ZDHHC24: variants seen among roughly 807,000 people sequenced by gnomAD.
ZDHHC24 encodes zDHHC palmitoyltransferase 24, also known as probable palmitoyltransferase ZDHHC24.
A neutral mutation model predicts 23.2 loss-of-function variants in ZDHHC24; 17 were observed. The observed-to-expected ratio is 0.73, with a 90% confidence interval of 0.50 to 1.10. ZDHHC24 has a LOEUF of 1.10. Among genes scored for constraint, ZDHHC24 ranks in the 50% least tolerant of loss-of-function variants. ZDHHC24 has a pLI of 0.00. For synonymous variants in ZDHHC24, 186 were observed against 194.5 expected (o/e 0.96, Z 0.36); for missense variants, 366 against 393.0 (o/e 0.93, Z 0.58).
chr11:66,528,253 T>C (rs951372992), intron 3 of ZDHHC24, among the ~76,000 whole-genome samples: 1 of 152,194 alleles, frequency 6.6e-6, no homozygotes, highest in African/African-American at 2.4e-5. Context: ...AATAAAGTTG[T>C]AAAACTATCT....
chr11:66,527,530 G>A (rs146362603), intron 3 of ZDHHC24: 116 of 174,656 alleles, frequency 6.6e-4, no homozygotes, highest in African/African-American at 1.6e-3. Context: ...TTAGCCAGGC[G>A]TGTTGGCATG....
At chr11:66,521,022 C>A (rs574350682), downstream of ZDHHC24, 3 of 522,802 alleles carry the variant, frequency 5.7e-6, no homozygotes, top group Non-Finnish European at 1.0e-5. Flanking sequence ...CCCAGCTGCA[C>A]GGTTGTTTAA....
At chr11:66,524,371 C>T (rs1444645408) in intron 4 of ZDHHC24, 2 of 253,302 alleles carry the variant, frequency 7.9e-6, no homozygotes, top group Non-Finnish European at 1.6e-5. Flanking sequence ...TCCTTGTTTT[C>T]AGGAGGCTTA....
At chr11:66,532,109 C>A, downstream of ZDHHC24, 1 of 1,464,548 alleles carries the variant, frequency 6.8e-7, no homozygotes, top group Non-Finnish European at 9.3e-7. Flanking sequence ...GCCCCAGGCC[C>A]ACTCCTCATG....
rs1857306716 is a variant in ZDHHC24, at chr11:66,545,877, G to T, written c.127C>A (p.Pro43Thr). The T allele has an allele frequency of 6.5e-6, 10 of 1,545,186 alleles. No homozygotes were observed. The highest frequency in any genetic ancestry group is 1.9e-5 in the Admixed American group (1 of 52,938). The change falls in exon 1 of 3, where the codon CCG becomes ACG. Residue 43 changes from proline (P) to threonine (T), a missense_variant. Coordinates refer to ENST00000310442, the MANE Select transcript of ZDHHC24 (RefSeq NM_207340.3). This position sits in a 1 kb window ranked among gnomAD's most constrained non-coding sequence, Gnocchi z 4.5. ...CGGGCCAGGGGTCCCAGCGGCGGCG[G>T]CCCGGGACCGAGCACCAGCACGTAA... Reference protein sequence around the residue: ...LAYVLVLGPGPPPLGPLARAL... With the variant: ...LAYVLVLGPGTPPLGPLARAL...
rs367678537 is a variant in ZDHHC24 at position 66,539,564 on chromosome 11, G to A, written c.820C>T (p.Gln274Ter). The part of the protein sequence containing the change: ...SPLPGDGITF[Q>*]TTADVGHTAS ...GTGTGTCCCACATCTGCTGTGGTCT[G>A]GAAGGTGATCCCATCCCCAGGCAAT... Residue 274 changes from glutamine (Q) to a stop codon, truncating the protein, a stop_gained, in exon 3 of 3, where the codon CAG becomes TAG. Transcript: ENST00000310442. LOFTEE classifies it high-confidence loss of function. The A allele has an allele frequency of 7.5e-5, 120 of 1,606,122 alleles. No homozygotes were observed. The highest frequency in any genetic ancestry group is 9.8e-5 in the Non-Finnish European group (115 of 1,175,920).
chr11:66,545,805 CCAG>C lies in ZDHHC24; in HGVS notation c.196_198del (p.Leu66del), dbSNP rs1565299946. The C allele has an allele frequency of 1.3e-6, 2 of 1,583,514 alleles. No individual in the cohort carries two copies. Among genetic ancestry groups the C allele is most frequent in the Non-Finnish European group, 1.7e-6 (2 of 1,170,724 alleles). On this transcript the variant is annotated inframe_deletion, in exon 1 of 3. Transcript: ENST00000310442. This position sits in a 1 kb window ranked among gnomAD's most constrained non-coding sequence, Gnocchi z 4.5. ...GAGCGCAGGAAGAGCCCCACGTTGCCCAGCAGGTTGAGCAGCTGGAAGGCGGCC... is the reference window on the plus strand; with the variant it reads ...GAGCGCAGGAAGAGCCCCACGTTGCCCAGGTTGAGCAGCTGGAAGGCGGCC...
At chr11:66,541,724 C>T (rs771088393) in intron 2 of ZDHHC24, among the ~76,000 whole-genome samples, 3 of 152,224 alleles carry the variant, frequency 2.0e-5, no homozygotes, top group East Asian at 3.9e-4. Flanking sequence ...TGATGCCAGG[C>T]GGAGAACGCT....
chr11:66,522,241 G>A (rs1474029348), intron 4 of ZDHHC24, among the ~76,000 whole-genome samples: 2 of 151,094 alleles, frequency 1.3e-5, no homozygotes, highest in Non-Finnish European at 2.9e-5. Flanking sequence ...GAAACAGATG[G>A]GAAGAAATAA....
At chr11:66,541,709 A>T (rs1228711689) in intron 2 of ZDHHC24, among the ~76,000 whole-genome samples, 1 of 152,166 alleles carries the variant, frequency 6.6e-6, no homozygotes, top group Non-Finnish European at 1.5e-5. Context: ...GGTCCCAGCC[A>T]TCGGTGATGC....
intron 3 of ZDHHC24, among the ~76,000 whole-genome samples, chr11:66,528,211 C>G (rs898293648): frequency 6.6e-6 from 1 of 152,000 alleles, no homozygotes; most frequent in Non-Finnish European, 1.5e-5. Flanking sequence ...AGCCAGACTC[C>G]GTCTCAAAGA....
intron 4 of ZDHHC24, chr11:66,523,882 G>T (rs183771956): frequency 1.2e-6 from 2 of 1,612,874 alleles, no homozygotes; most frequent in Non-Finnish European, 1.7e-6. Context: ...TCCACACCCC[G>T]GTGAGCCCCA....
At chr11:66,532,182 C>T, downstream of ZDHHC24, 3 of 853,008 alleles carry the variant, frequency 3.5e-6, no homozygotes, top group South Asian at 5.0e-5. Flanking sequence ...CTCACCACCC[C>T]CACTGTTGGG....
At chr11:66,531,660 C>G (rs1029655925), downstream of ZDHHC24, 2 of 1,614,070 alleles carry the variant, frequency 1.2e-6, no homozygotes, top group Non-Finnish European at 8.5e-7. Context: ...ACTTAGGTAC[C>G]CTTGCTGGTG....
chr11:66,526,946 C>G, exon 4 of ZDHHC24: 1 of 1,581,784 alleles, frequency 6.3e-7, no homozygotes, highest in Non-Finnish European at 8.6e-7. Flanking sequence ...CTCTGCAAAT[C>G]CAGGGACAGC....
chr11:66,521,394 C>A, exon 5 of ZDHHC24: 2 of 1,601,932 alleles, frequency 1.2e-6, no homozygotes, highest in South Asian at 2.2e-5. Context: ...CATCCGTGGT[C>A]TCCGGGGCCG....
intron 3 of ZDHHC24, chr11:66,529,181 G>A: frequency 1.5e-6 from 2 of 1,327,458 alleles, no homozygotes; most frequent in Non-Finnish European, 2.0e-6. Context: ...GAAGAGGAGG[G>A]ACAGTGGGGT....
At chr11:66,531,825 G>A, downstream of ZDHHC24, 1 of 1,612,104 alleles carries the variant, frequency 6.2e-7, no homozygotes, top group Non-Finnish European at 8.5e-7. Flanking sequence ...AAGACCTTAG[G>A]GGGCTCCTGG....
intron 1 of ZDHHC24, among the ~76,000 whole-genome samples, chr11:66,544,649 C>T (rs916026566): frequency 3.9e-5 from 6 of 152,162 alleles, no homozygotes; most frequent in Non-Finnish European, 8.8e-5. Flanking sequence ...AAGTTTTTTG[C>T]TCAAATGCCT....
Sources: allele counts gnomAD v4.1 joint callset (sites outside exome capture counted in the v4.1 genomes callset), GRCh38; gene constraint gnomAD v4.1.1; non-coding constraint Gnocchi (gnomAD v3.1); transcripts MANE v1.5; gene names NCBI Gene and HGNC (gene_info 2026-07-23, HGNC 2026-07-21).